DEPTOR: variants seen among roughly 807,000 people sequenced by gnomAD.
DEPTOR encodes the protein DEP domain-containing mTOR-interacting protein.
Under a neutral mutation model 41.6 loss-of-function variants are expected in DEPTOR, and 41 were observed. The ratio of observed to expected loss-of-function variants is 0.98; its 90% CI spans 0.77 to 1.28. The LOEUF is 1.28. DEPTOR is among the 50% of genes most tolerant of loss of function. The probability of loss-of-function intolerance (pLI) is 0.00; values close to 1 mark genes in which losing one functional copy is unlikely to be tolerated. For missense variants in DEPTOR, 514 were observed against 527.9 expected, an observed-to-expected ratio of 0.97 and a Z score of 0.26; for synonymous variants, 195 against 192.3, an observed-to-expected ratio of 1.01 and a Z score of -0.12.
rs564159197 is a variant in DEPTOR at position 120,007,421 on chromosome 8, A to G, written c.996+546A>G. On this transcript the variant is annotated intron_variant, in intron 7 of 8. Transcript: ENST00000286234. ...ACAATGTGTGCATGCCTTGAGGTAC[A>G]CGAGCCTCTGACTTGCTGTGAGCAG... 6.9e-4 allele frequency among the ~76,000 whole-genome samples: 105 copies of G among 152,202 alleles called. 1 individual carries two copies. The highest frequency in any genetic ancestry group is 2.4e-3 in the African/African-American group (99 of 41,536).
At chr8:119,924,787 T>C (rs1044833415) in intron 1 of DEPTOR, among the ~76,000 whole-genome samples, 5 of 152,154 alleles carry the variant, frequency 3.3e-5, no homozygotes, top group African/African-American at 1.2e-4. Flanking sequence ...GTTTGTTACA[T>C]GAATAAACTG....
chr8:119,942,975 C>T (rs1170413636), intron 3 of DEPTOR, among the ~76,000 whole-genome samples: 2 of 152,200 alleles, frequency 1.3e-5, no homozygotes, highest in Non-Finnish European at 2.9e-5. Flanking sequence ...AAACACATGC[C>T]TTCCTATACT....
At chr8:119,997,186 C>A (rs1317104578) in intron 4 of DEPTOR, among the ~76,000 whole-genome samples, 1 of 152,122 alleles carries the variant, frequency 6.6e-6, no homozygotes, top group African/African-American at 2.4e-5. Context: ...CTCAAGCGAT[C>A]CTCCCATTTC....
intron 4 of DEPTOR, among the ~76,000 whole-genome samples, chr8:119,991,090 T>TTTCTTTC (rs1563584682): frequency 2.2e-5 from 2 of 90,798 alleles, no homozygotes; most frequent in Non-Finnish European, 2.4e-5. Flanking sequence ...TTCTTTCTTT[T>TTTCTTTC]TCTTTCTTTC....
chr8:120,025,247 G>A (rs773732238), intron 8 of DEPTOR, among the ~76,000 whole-genome samples: 1 of 152,174 alleles, frequency 6.6e-6, no homozygotes, highest in Admixed American at 6.5e-5. Context: ...ACATATTTTG[G>A]CATATTTGGA....
chr8:120,028,259 G>A (rs943954071), intron 8 of DEPTOR, among the ~76,000 whole-genome samples: 3 of 151,140 alleles, frequency 2.0e-5, no homozygotes, highest in Admixed American at 6.6e-5. Context: ...AGGTTCAAGC[G>A]ATTCTCCTGC....
chr8:119,921,566 C>G (rs1352418121), intron 1 of DEPTOR, among the ~76,000 whole-genome samples: 2 of 152,188 alleles, frequency 1.3e-5, no homozygotes, highest in East Asian at 1.9e-4. Flanking sequence ...TATTTCCCCC[C>G]CATCATACTC....
chr8:119,879,527 C>A (rs1827272131), intron 1 of DEPTOR, among the ~76,000 whole-genome samples: 1 of 151,958 alleles, frequency 6.6e-6, no homozygotes, highest in African/African-American at 2.4e-5. Flanking sequence ...GCCTGTACAA[C>A]ATGGAGAAAC....
At chr8:119,927,347 T>A (rs555089396) in intron 1 of DEPTOR, among the ~76,000 whole-genome samples, 2 of 152,050 alleles carry the variant, frequency 1.3e-5, no homozygotes, top group Non-Finnish European at 2.9e-5. Flanking sequence ...GCACAGGGAA[T>A]GTATCGATTC....
intron 4 of DEPTOR, among the ~76,000 whole-genome samples, chr8:119,976,941 T>C (rs1828702866): frequency 6.6e-6 from 1 of 152,208 alleles, no homozygotes; most frequent in East Asian, 1.9e-4. Context: ...TTACTGCTAT[T>C]AACTCATTTA....
At chr8:120,000,555 C>T (rs565566326) in intron 4 of DEPTOR, among the ~76,000 whole-genome samples, 12 of 152,074 alleles carry the variant, frequency 7.9e-5, no homozygotes, top group South Asian at 2.1e-4. Context: ...GTCTGCCTCC[C>T]GGGTTCAAGT....
At chr8:119,962,167 G>T (rs1161176183) in intron 3 of DEPTOR, among the ~76,000 whole-genome samples, 2 of 151,836 alleles carry the variant, frequency 1.3e-5, no homozygotes, top group Non-Finnish European at 1.5e-5. Context: ...TGAGGCAGGA[G>T]AATCACCTGA....
At chr8:119,894,048 T>C (rs1023127791) in intron 1 of DEPTOR, among the ~76,000 whole-genome samples, 7 of 152,158 alleles carry the variant, frequency 4.6e-5, no homozygotes, top group African/African-American at 1.7e-4. Flanking sequence ...GAAAGGAAAT[T>C]TTATTATGAT....
At position 120,008,063 on chromosome 8, in the gene DEPTOR, C is replaced by A. The variant is rs78062726; in HGVS notation, c.997-966C>A. 1.7e-3 allele frequency among the ~76,000 whole-genome samples: 259 copies of A among 152,248 alleles called. 2 individuals carry two copies. The East Asian group carries it at 0.039, about 23-fold the overall frequency. ...TGTGAAAGATGTGGCTAGGAGCTGT[C>A]CAGGGAATTAAACTGCCAGCTCTAA... On this transcript the variant is annotated intron_variant, in intron 7 of 8. Transcript: ENST00000286234.
chr8:119,979,986 A>G (rs998407304), intron 4 of DEPTOR, among the ~76,000 whole-genome samples: 1 of 152,172 alleles, frequency 6.6e-6, no homozygotes, highest in Non-Finnish European at 1.5e-5. Flanking sequence ...ATCATCTTCT[A>G]TGGCAAATGG....
At chr8:120,043,699 C>T (rs1210785766) in intron 8 of DEPTOR, among the ~76,000 whole-genome samples, 1 of 152,076 alleles carries the variant, frequency 6.6e-6, no homozygotes, top group Non-Finnish European at 1.5e-5. Flanking sequence ...TCCTCTCTGA[C>T]ATTTAGCTTG....
At chr8:120,023,625 A>G (rs1812755666) in intron 8 of DEPTOR, among the ~76,000 whole-genome samples, 1 of 152,100 alleles carries the variant, frequency 6.6e-6, no homozygotes, top group Non-Finnish European at 1.5e-5. Context: ...AAGATTCTAT[A>G]TATCAGTTAC....
At chr8:119,961,274 G>A (rs187494909) in intron 3 of DEPTOR, among the ~76,000 whole-genome samples, 1 of 152,048 alleles carries the variant, frequency 6.6e-6, no homozygotes, top group East Asian at 1.9e-4. Context: ...AAATTAGCCA[G>A]GTGTGGTGGT....
chr8:119,878,369 G>C (rs182476122), intron 1 of DEPTOR, among the ~76,000 whole-genome samples: 2 of 149,514 alleles, frequency 1.3e-5, no homozygotes, highest in Non-Finnish European at 3.0e-5. Context: ...CATCAGGCTG[G>C]AGTGCGGTGG....
Sources: gnomAD v4.1 joint callset for allele counts (sites outside exome capture counted in the v4.1 genomes callset) on GRCh38, gnomAD v4.1.1 for gene constraint, MANE v1.5 for transcripts, NCBI Gene and HGNC (gene_info 2026-07-23, HGNC 2026-07-21) for gene names.